The following LYPD6B variants were observed in gnomAD, a reference collection of about 807,000 sequenced individuals.
LYPD6B encodes the protein ly6/PLAUR domain-containing protein 6B.
Under a neutral mutation model 22.8 loss-of-function variants are expected in LYPD6B, and 17 were observed. That is an observed-to-expected ratio of 0.75 (90% CI 0.51 to 1.12). LYPD6B has a LOEUF of 1.12. LYPD6B is among the 50% of genes most tolerant of loss of function. The pLI is 0.00. For missense variants in LYPD6B, 221 were observed against 258.3 expected (o/e 0.86, Z 0.99); for synonymous variants, 106 against 91.6 (o/e 1.16, Z -0.90).
chr2:149,154,711 A>T (rs1575076974), intron 2 of LYPD6B, among the ~76,000 whole-genome samples: 1 of 152,024 alleles, frequency 6.6e-6, no homozygotes, highest in South Asian at 2.1e-4. Flanking sequence ...AGAGTGGCGG[A>T]GTGGTGTTAT....
intron 1 of LYPD6B, among the ~76,000 whole-genome samples, chr2:149,074,278 ACAC>A (rs1336778635): frequency 6.6e-6 from 1 of 152,116 alleles, no homozygotes; most frequent in Non-Finnish European, 1.5e-5. Context: ...GCACACACAC[ACAC>A]ACACACACGC....
chr2:149,120,305 ATATATGTG>A (rs1192180686), intron 1 of LYPD6B, among the ~76,000 whole-genome samples: 223 of 130,324 alleles, frequency 1.7e-3, no homozygotes, highest in African/African-American at 7.1e-3. Flanking sequence ...ACACATATAT[ATATATGTG>A]TATATATATG....
At chr2:149,108,561 A>G (rs906710268) in intron 1 of LYPD6B, among the ~76,000 whole-genome samples, 11 of 152,036 alleles carry the variant, frequency 7.2e-5, no homozygotes, top group Non-Finnish European at 8.8e-5. Flanking sequence ...TTTTACCTTC[A>G]TTCTATTTTT....
At position 149,205,409 on chromosome 2, in the gene LYPD6B, G is replaced by A; in HGVS notation, c.229+5G>A. The stretch of plus-strand genomic sequence containing the variant: ...ATGTGAGGCCTCCTCTCGACCGTAA[G>A]TAGTGGTGGTTGCCATCCTAGTTCA... On this transcript the variant is annotated splice_donor_5th_base_variant and intron_variant, in intron 4 of 6. Transcript: ENST00000409642. The A allele has an allele frequency of 3.1e-6, 5 of 1,613,246 alleles. No homozygotes were observed. Among genetic ancestry groups the A allele is most frequent in the South Asian group, 1.1e-5 (1 of 90,906 alleles).
intron 1 of LYPD6B, among the ~76,000 whole-genome samples, chr2:149,098,621 C>A (rs1319797469): frequency 1.6e-5 from 1 of 61,790 alleles, no homozygotes; most frequent in African/African-American, 7.2e-5. Flanking sequence ...GAGTGAAACT[C>A]TGTCTCAAAA....
intron 1 of LYPD6B, chr2:149,068,853 C>T (rs745984024): frequency 1.6e-5 from 6 of 366,626 alleles, no homozygotes; most frequent in Non-Finnish European, 3.4e-5. Context: ...CCAGGTTTAT[C>T]GCCTGCAGCC....
At position 149,212,380 on chromosome 2, in the gene LYPD6B, C is replaced by CAAAAA. The variant is rs386391473; in HGVS notation, c.329-592_329-588dup. Among the ~76,000 whole-genome samples the CAAAAA allele has an allele frequency of 6.8e-3, 405 of 59,972 alleles. 24 individuals carry two copies. The highest frequency in any genetic ancestry group is 0.015 in the African/African-American group (206 of 13,296). The allele number at this position is 59,972 out of a possible 152,430, so 39.3% of individuals were successfully genotyped here. On this transcript the variant is annotated intron_variant, in intron 5 of 6. Transcript: ENST00000409642. ...CTGGGGACAGAGTAAGACTCCGTCT[C>CAAAAA]AAAAAAAAAAAAAAAAAAAAAAAAG...
chr2:149,040,602 A>G (rs1683032843), intron 1 of LYPD6B, among the ~76,000 whole-genome samples: 1 of 152,132 alleles, frequency 6.6e-6, no homozygotes, highest in African/African-American at 2.4e-5. Context: ...GGTTTACACA[A>G]CAGGAATGGG....
chr2:149,142,331 CG>C (rs2105776676), intron 2 of LYPD6B: 1 of 152,220 alleles, frequency 6.6e-6, no homozygotes, highest in Non-Finnish European at 1.5e-5. Flanking sequence ...GAGGTGCACC[CG>C]AAGAAGACCC....
chr2:149,212,866 C>T lies in LYPD6B; in HGVS notation c.329-126C>T, dbSNP rs147249214. The T allele has an allele frequency of 4.5e-6, 4 of 890,172 alleles. No homozygotes were observed. In the East Asian group the frequency reaches 1.1e-4, roughly 25 times the overall value. The allele number at this position is 890,172 out of a possible 1,614,324, so 55.1% of individuals were successfully genotyped here. A position where few individuals can be genotyped will look rare whatever the true frequency, so the allele number is the denominator to read the frequency against. On this transcript the variant is annotated intron_variant, in intron 5 of 6. Transcript: ENST00000409642. The stretch of plus-strand genomic sequence containing the variant: ...AGTTCACTGCTATGAAATGTCTTGC[C>T]TAAAAACCCCAGGACTGGCCTGAAT...
intron 1 of LYPD6B, among the ~76,000 whole-genome samples, chr2:149,076,925 TG>T (rs1251195983): frequency 1.3e-5 from 2 of 152,174 alleles, no homozygotes; most frequent in African/African-American, 4.8e-5. Flanking sequence ...TAAGATGTGC[TG>T]GGGTTAGAGT....
intron 1 of LYPD6B, among the ~76,000 whole-genome samples, chr2:149,088,367 A>C (rs1574945290): frequency 6.6e-6 from 1 of 152,086 alleles, no homozygotes; most frequent in Non-Finnish European, 1.5e-5. Context: ...TGGCAGGGGG[A>C]GGAAAACCCA....
intron 1 of LYPD6B, among the ~76,000 whole-genome samples, chr2:149,081,263 A>G (rs1685121144): frequency 6.6e-6 from 1 of 152,144 alleles, no homozygotes; most frequent in African/African-American, 2.4e-5. Context: ...GCTGTGTCTA[A>G]TTTCACTTTA....
intron 1 of LYPD6B, among the ~76,000 whole-genome samples, chr2:149,127,517 C>T (rs13001735): frequency 0.52 from 79,664 of 152,056 alleles, 21,206 homozygotes; most frequent in East Asian, 0.85. Flanking sequence ...AGCACCTGCT[C>T]CCAGGGCTAC....
At chr2:149,155,987 A>G (rs186534535) in intron 2 of LYPD6B, among the ~76,000 whole-genome samples, 29 of 152,328 alleles carry the variant, frequency 1.9e-4, no homozygotes, top group Middle Eastern at 3.4e-3. Context: ...TGTAATGTGC[A>G]AGGATTTTTA....
chr2:149,062,325 T>C (rs1292633134), intron 1 of LYPD6B, among the ~76,000 whole-genome samples: 1 of 152,144 alleles, frequency 6.6e-6, no homozygotes, highest in East Asian at 1.9e-4. Flanking sequence ...GAAAATAACA[T>C]GTAAAATATG....
intron 2 of LYPD6B, chr2:149,144,034 ATTC>A (rs1688860148): frequency 6.6e-6 from 1 of 152,226 alleles, no homozygotes. Flanking sequence ...TTTGTGGTGG[ATTC>A]TTTCATCTAA....
chr2:149,094,262 C>T (rs75991766), intron 1 of LYPD6B, among the ~76,000 whole-genome samples: 96 of 152,202 alleles, frequency 6.3e-4, no homozygotes, highest in African/African-American at 2.2e-3. Flanking sequence ...TGCAATTTTA[C>T]TAAATAAATG....
In LYPD6B at chr2:149,147,758, C is replaced by T. The variant is rs1420010664; in HGVS notation, c.6-13006C>T. Among the ~76,000 whole-genome samples, 5 of 152,178 alleles carry T rather than the reference C, an allele frequency of 3.3e-5. No homozygotes were observed. The East Asian group carries it at 7.7e-4, about 23-fold the overall frequency. ...CGAACTCCTGACCACAGGTGATGCA[C>T]TCATCTTGGCCTCCCAAAGTGCTGG... On this transcript the variant is annotated intron_variant, in intron 2 of 6. Coordinates refer to ENST00000409642, the MANE Select transcript of LYPD6B (RefSeq NM_177964.5).
Sources: allele counts gnomAD v4.1 joint callset (sites outside exome capture counted in the v4.1 genomes callset), GRCh38; gene constraint gnomAD v4.1.1; transcripts MANE v1.5; gene names NCBI Gene and HGNC (gene_info 2026-07-23, HGNC 2026-07-21).